The following DACH2 variants were observed in gnomAD, a reference collection of about 807,000 sequenced individuals.
DACH2 encodes dachshund family transcription factor 2, also known as dachshund homolog 2.
DACH2 carries 17 observed loss-of-function variants against 35.8 expected under a neutral mutation model. The ratio of observed to expected loss-of-function variants is 0.48; its 90% CI spans 0.33 to 0.71. The LOEUF (loss-of-function observed/expected upper bound fraction) is 0.71, where lower values mean the gene tolerates loss of function less well. DACH2 is among the 30% of genes least tolerant of loss of function. The probability of loss-of-function intolerance (pLI) is 0.02; values close to 1 mark genes in which losing one functional copy is unlikely to be tolerated. For missense variants in DACH2, 469 were observed against 472.7 expected, an observed-to-expected ratio of 0.99 and a Z score of 0.07; for synonymous variants, 195 against 177.3, an observed-to-expected ratio of 1.10 and a Z score of -0.79.
intron 1 of DACH2, among the ~76,000 whole-genome samples, chrX:86,346,288 A>C (rs1426180495): frequency 9.7e-6 from 1 of 102,603 alleles, no homozygotes; most frequent in Non-Finnish European, 2.0e-5. Context: ...TATGGGATAC[A>C]TTTTTTTTTT....
chrX:86,541,561 C>A, intron 3 of DACH2, among the ~76,000 whole-genome samples: 1 of 111,083 alleles, frequency 9.0e-6, no homozygotes, highest in Admixed American at 9.6e-5. Context: ...ATTGGGTTAA[C>A]ACCTTAGTTT....
At chrX:86,385,213 A>G (rs976012118) in intron 2 of DACH2, among the ~76,000 whole-genome samples, 2 of 111,325 alleles carry the variant, frequency 1.8e-5, no homozygotes, top group African/African-American at 6.5e-5. Context: ...CCACTAAATC[A>G]CATATTAATG....
chrX:86,194,448 G>A (rs914981617), intron 1 of DACH2, among the ~76,000 whole-genome samples: 3 of 111,867 alleles, frequency 2.7e-5, no homozygotes, highest in African/African-American at 9.7e-5. Flanking sequence ...TTCAGAAGGA[G>A]GGCACTGAGA....
intron 4 of DACH2, among the ~76,000 whole-genome samples, chrX:86,665,398 C>T (rs1204214184): frequency 2.7e-5 from 3 of 111,405 alleles, no homozygotes; most frequent in African/African-American, 9.8e-5. Context: ...AAGTGTGTCT[C>T]TTAAGGTTAC....
chrX:86,739,921 G>A, intron 7 of DACH2, 39 bp downstream of exon 7: 5 of 1,141,503 alleles, frequency 4.4e-6, no homozygotes, highest in Non-Finnish European at 5.8e-6. Flanking sequence ...GGAAAACATT[G>A]TTTCTGGAAA....
intron 1 of DACH2, chrX:86,345,299 A>G (rs185741212): frequency 6.0e-6 from 1 of 167,540 alleles, no homozygotes; most frequent in African/African-American, 3.1e-5. Flanking sequence ...AAACCTTATT[A>G]TAGTAGCTCC....
intron 7 of DACH2, among the ~76,000 whole-genome samples, chrX:86,769,108 C>G (rs2041962593): frequency 9.1e-6 from 1 of 110,383 alleles, no homozygotes; most frequent in Middle Eastern, 4.3e-3. Flanking sequence ...AGATAAAATC[C>G]AACGTCCCTT....
At chrX:86,661,047 A>G (rs1041409202) in intron 4 of DACH2, among the ~76,000 whole-genome samples, 3 of 111,582 alleles carry the variant, frequency 2.7e-5, no homozygotes, top group African/African-American at 9.8e-5. Context: ...TATACAGTGA[A>G]CCTAGTTCAT....
chrX:86,513,398 C>T (rs1273420369), intron 2 of DACH2, among the ~76,000 whole-genome samples: 1 of 111,631 alleles, frequency 9.0e-6, no homozygotes, highest in Non-Finnish European at 1.9e-5. Flanking sequence ...ATAACTTGAT[C>T]CTAATGTTCT....
chrX:86,366,701 T>C (rs2035811503), intron 1 of DACH2, among the ~76,000 whole-genome samples: 1 of 110,940 alleles, frequency 9.0e-6, no homozygotes, highest in African/African-American at 3.3e-5. Context: ...GTTTGGGCTG[T>C]GGGGGTAGAT....
At chrX:86,524,417 G>A (rs2148280968) in intron 3 of DACH2, among the ~76,000 whole-genome samples, 1 of 112,262 alleles carries the variant, frequency 8.9e-6, no homozygotes, top group South Asian at 3.7e-4. Context: ...CATATAAACA[G>A]CATATGGTGT....
intron 2 of DACH2, among the ~76,000 whole-genome samples, chrX:86,407,497 G>A (rs1277523574): frequency 8.9e-6 from 1 of 112,185 alleles, no homozygotes; most frequent in East Asian, 2.8e-4. Context: ...AGGAGAGAGC[G>A]AGATCACTGT....
chrX:86,363,619 G>A (rs758985417), intron 1 of DACH2, among the ~76,000 whole-genome samples: 17 of 111,276 alleles, frequency 1.5e-4, no homozygotes, highest in Middle Eastern at 4.7e-3. Flanking sequence ...GCTTTCATCA[G>A]TTTCTTCTAG....
At chrX:86,600,681 C>T (rs1265620364) in intron 3 of DACH2, among the ~76,000 whole-genome samples, 1 of 111,746 alleles carries the variant, frequency 8.9e-6, no homozygotes, top group Non-Finnish European at 1.9e-5. Context: ...GTATGCACAG[C>T]CCAGGATTGA....
rs1420655113 is a variant in DACH2 at position 86,386,591 on chromosome X, T to C, written c.527+9729T>C. On this transcript the variant is annotated intron_variant, in intron 2 of 11. Coordinates refer to ENST00000373125, the MANE Select transcript of DACH2 (RefSeq NM_053281.3). ...ACTTATTTATATCAGCATAGACTTC[T>C]AGGTGTTTATTTTATACTTTGGGTT... Among the ~76,000 whole-genome samples, 3 of 111,732 alleles carry C rather than the reference T, an allele frequency of 2.7e-5. No individual in the cohort carries two copies. In the East Asian group the frequency reaches 8.5e-4, roughly 32 times the overall value.
chrX:86,411,020 T>TTTTATATATATATATA (rs1556108950), intron 2 of DACH2, among the ~76,000 whole-genome samples: 2 of 40,526 alleles, frequency 4.9e-5, no homozygotes, highest in Non-Finnish European at 8.9e-5. Flanking sequence ...ACTAATATGA[T>TTTTATATATATATATA]TATATATATA....
intron 1 of DACH2, among the ~76,000 whole-genome samples, chrX:86,212,220 T>A (rs1602289990): frequency 8.9e-6 from 1 of 111,918 alleles, no homozygotes; most frequent in Non-Finnish European, 1.9e-5. Flanking sequence ...GATTGCAGTG[T>A]TTTCTGCAAA....
intron 1 of DACH2, among the ~76,000 whole-genome samples, chrX:86,248,448 C>T (rs1295061639): frequency 9.0e-6 from 1 of 110,601 alleles, no homozygotes; most frequent in Non-Finnish European, 1.9e-5. Context: ...TTACAATAGC[C>T]ATAAAGAAAG....
chrX:86,442,352 ATT>A (rs199552875), intron 2 of DACH2, among the ~76,000 whole-genome samples: 20 of 29,393 alleles, frequency 6.8e-4, no homozygotes, highest in African/African-American at 2.5e-3. Context: ...TTTAAGTAGT[ATT>A]TTGTGTGTGT....
Sources: gnomAD v4.1 joint callset for allele counts (sites outside exome capture counted in the v4.1 genomes callset) on GRCh38, gnomAD v4.1.1 for gene constraint, MANE v1.5 for transcripts, NCBI Gene and HGNC (gene_info 2026-07-23, HGNC 2026-07-21) for gene names.